The following ACTL8 variants were observed in gnomAD, a reference collection of about 807,000 sequenced individuals.
ACTL8 encodes actin-like protein 8.
In ACTL8, 3 loss-of-function variants were observed where a neutral mutation model predicts 9.3. The ratio of observed to expected loss-of-function variants is 0.32; its 90% CI spans 0.15 to 0.83. The LOEUF (loss-of-function observed/expected upper bound fraction) is 0.83, where lower values mean the gene tolerates loss of function less well. Among genes scored for constraint, ACTL8 ranks in the 40% least tolerant of loss-of-function variants. ACTL8 has a pLI of 0.57. For missense variants in ACTL8, 381 were observed against 492.2 expected (o/e 0.77, Z 2.14); for synonymous variants, 224 against 205.9 (o/e 1.09, Z -0.75).
At chr1:17,761,757 G>A (rs543502602) in intron 1 of ACTL8, among the ~76,000 whole-genome samples, 78 of 152,280 alleles carry the variant, frequency 5.1e-4, no homozygotes, top group African/African-American at 1.8e-3. Context: ...TTTTAGTAGA[G>A]ACGGGGTTTC....
At chr1:17,759,265 C>T (rs558387076) in intron 1 of ACTL8, among the ~76,000 whole-genome samples, 1 of 152,362 alleles carries the variant, frequency 6.6e-6, no homozygotes, top group South Asian at 2.1e-4. Context: ...CTGGGCTTTG[C>T]CAGTAGAGGG....
chr1:17,809,622 A>G lies in ACTL8; in HGVS notation c.-24-13363A>G, dbSNP rs765471730. 2.0e-4 allele frequency among the ~76,000 whole-genome samples: 31 copies of G among 152,058 alleles called. 1 individual carries two copies. Among genetic ancestry groups the G allele is most frequent in the Non-Finnish European group, 2.9e-5 (2 of 68,016 alleles). ...AGATCAATGGTGGCATTAGATTCTCATAGGAACATGAACCCTGTTGTGAAC... is the reference window on the plus strand; with the variant it reads ...AGATCAATGGTGGCATTAGATTCTCGTAGGAACATGAACCCTGTTGTGAAC... On this transcript the variant is annotated intron_variant, in intron 1 of 2. Coordinates refer to ENST00000375406, the MANE Select transcript of ACTL8 (RefSeq NM_030812.3).
At chr1:17,799,518 G>A (rs2066305278) in intron 1 of ACTL8, among the ~76,000 whole-genome samples, 2 of 151,214 alleles carry the variant, frequency 1.3e-5, no homozygotes, top group Non-Finnish European at 2.9e-5. Flanking sequence ...GATGTTGCTA[G>A]TATCATCTCC....
intron 1 of ACTL8, among the ~76,000 whole-genome samples, chr1:17,802,556 G>A (rs1383097712): frequency 1.3e-5 from 2 of 152,108 alleles, no homozygotes; most frequent in East Asian, 3.8e-4. Context: ...GAACAGAGCT[G>A]GGGTGTGACC....
chr1:17,819,252 A>G (rs2053625360), intron 1 of ACTL8, among the ~76,000 whole-genome samples: 1 of 152,240 alleles, frequency 6.6e-6, no homozygotes, highest in Admixed American at 6.5e-5. Context: ...GCTTCCCGGA[A>G]TGTCATGCAG....
chr1:17,780,882 G>A (rs1422326623), intron 1 of ACTL8, among the ~76,000 whole-genome samples: 1 of 152,164 alleles, frequency 6.6e-6, no homozygotes, highest in African/African-American at 2.4e-5. Context: ...TATCCGGGAG[G>A]TTCTAAACTG....
intron 1 of ACTL8, among the ~76,000 whole-genome samples, chr1:17,790,141 C>T (rs2066228659): frequency 6.6e-6 from 1 of 152,234 alleles, no homozygotes; most frequent in African/African-American, 2.4e-5. Context: ...AGGTGTACCA[C>T]AAGCAGCTTC....
intron 1 of ACTL8, among the ~76,000 whole-genome samples, chr1:17,764,264 C>T (rs916644294): frequency 6.6e-6 from 1 of 152,112 alleles, no homozygotes; most frequent in Non-Finnish European, 1.5e-5. Context: ...CAGGCCGGCC[C>T]CTGCTGCAGA....
rs563764329 is a variant in ACTL8, at chr1:17,767,802, C to T, written c.-25+12298C>T. Among the ~76,000 whole-genome samples, 2 of 152,296 alleles carry T rather than the reference C, an allele frequency of 1.3e-5. No individual in the cohort carries two copies. Among genetic ancestry groups the T allele is most frequent in the Admixed American group, 1.3e-4 (2 of 15,304 alleles). On this transcript the variant is annotated intron_variant, in intron 1 of 2. Coordinates refer to ENST00000375406, the MANE Select transcript of ACTL8 (RefSeq NM_030812.3). This position sits in a 1 kb window ranked among gnomAD's most constrained non-coding sequence, Gnocchi z 4.7. Reference sequence around the variant, plus strand: ...ACAATGTCCCTGCTTGGCTTCTCGGCTCAGTCTGATGCCGTGACTGCTGAC... The same window carrying T: ...ACAATGTCCCTGCTTGGCTTCTCGGTTCAGTCTGATGCCGTGACTGCTGAC...
At chr1:17,814,638 A>G (rs376473969) in intron 1 of ACTL8, among the ~76,000 whole-genome samples, 100 of 152,198 alleles carry the variant, frequency 6.6e-4, no homozygotes, top group African/African-American at 2.3e-3. Context: ...CTCCATATCT[A>G]CCAACAAAAC....
At chr1:17,814,305 C>T (rs2066410754) in intron 1 of ACTL8, among the ~76,000 whole-genome samples, 1 of 152,090 alleles carries the variant, frequency 6.6e-6, no homozygotes, top group Admixed American at 6.6e-5. Context: ...AAAACCAGCC[C>T]GGACAACAGA....
intron 1 of ACTL8, among the ~76,000 whole-genome samples, chr1:17,771,486 C>T (rs2066082724): frequency 6.6e-6 from 1 of 151,980 alleles, no homozygotes; most frequent in Non-Finnish European, 1.5e-5. Flanking sequence ...TTCTTTTTAT[C>T]TCAGGAGGGC....
In ACTL8 at chr1:17,790,339, T is replaced by C. The variant is rs114195939; in HGVS notation, c.-24-32646T>C. Among the ~76,000 whole-genome samples the C allele has an allele frequency of 5.7e-3, 873 of 152,322 alleles. 12 individuals carry two copies. Among genetic ancestry groups the C allele is most frequent in the African/African-American group, 0.019 (810 of 41,570 alleles). ...GAGCAAGGGTCATGTTTCAGCCCTG[T>C]TTGTGTTACAGCTCTTTTAGCCTCA... On this transcript the variant is annotated intron_variant, in intron 1 of 2. Transcript: ENST00000375406.
intron 1 of ACTL8, among the ~76,000 whole-genome samples, chr1:17,775,221 C>A (rs998632006): frequency 6.6e-6 from 1 of 152,086 alleles, no homozygotes; most frequent in Non-Finnish European, 1.5e-5. Context: ...AATTAGAGAC[C>A]GAGGGCTGAT....
chr1:17,786,871 T>C (rs937335231), intron 1 of ACTL8, among the ~76,000 whole-genome samples: 3 of 151,390 alleles, frequency 2.0e-5, no homozygotes, highest in African/African-American at 7.3e-5. Flanking sequence ...TTTTTTTAAA[T>C]GTTTTTTTTT....
chr1:17,809,738 C>T (rs1308435723), intron 1 of ACTL8, among the ~76,000 whole-genome samples: 6 of 151,952 alleles, frequency 3.9e-5, no homozygotes, highest in Admixed American at 2.0e-4. Flanking sequence ...CAGATGGGAC[C>T]ATCTAGTTGC....
intron 1 of ACTL8, among the ~76,000 whole-genome samples, chr1:17,818,207 TGTG>T (rs2066440556): frequency 6.6e-6 from 1 of 152,226 alleles, no homozygotes. Flanking sequence ...GGCTAAAAAT[TGTG>T]GTATCTTCCT....
chr1:17,796,878 A>T (rs2066281251), intron 1 of ACTL8, among the ~76,000 whole-genome samples: 1 of 152,186 alleles, frequency 6.6e-6, no homozygotes, highest in South Asian at 2.1e-4. Flanking sequence ...AGAATGATAG[A>T]GTTTGCACAG....
At chr1:17,807,662 C>T (rs2066367674) in intron 1 of ACTL8, among the ~76,000 whole-genome samples, 1 of 152,008 alleles carries the variant, frequency 6.6e-6, no homozygotes, top group Non-Finnish European at 1.5e-5. Context: ...TACTATGTAG[C>T]CATAAAAAAG....
Sources: gnomAD v4.1 joint callset for allele counts (sites outside exome capture counted in the v4.1 genomes callset) on GRCh38, gnomAD v4.1.1 for gene constraint, Gnocchi (gnomAD v3.1) non-coding constraint, MANE v1.5 for transcripts, NCBI Gene and HGNC (gene_info 2026-07-23, HGNC 2026-07-21) for gene names.